SGCZ: variants seen among roughly 807,000 people sequenced by gnomAD.
SGCZ encodes sarcoglycan zeta, also known as zeta-sarcoglycan.
SGCZ carries 40 observed loss-of-function variants against 41.3 expected under a neutral mutation model. The ratio of observed to expected loss-of-function variants is 0.97; its 90% CI spans 0.75 to 1.26. The LOEUF is 1.26. Ranked by LOEUF, SGCZ falls within the 50% of genes most tolerant of loss-of-function variation. The probability of loss-of-function intolerance (pLI) is 0.00; values close to 1 mark genes in which losing one functional copy is unlikely to be tolerated. For missense variants in SGCZ, 552 were observed against 369.8 expected, an observed-to-expected ratio of 1.49 and a Z score of -4.04; for synonymous variants, 206 against 137.5, an observed-to-expected ratio of 1.50 and a Z score of -3.49.
At chr8:14,748,815 G>C (rs1170903886) in intron 1 of SGCZ, among the ~76,000 whole-genome samples, 2 of 151,978 alleles carry the variant, frequency 1.3e-5, no homozygotes, top group East Asian at 3.9e-4. Flanking sequence ...GTATTATATG[G>C]TGTTACAATC....
chr8:14,328,877 G>T (rs1221510619), intron 2 of SGCZ, among the ~76,000 whole-genome samples: 1 of 152,182 alleles, frequency 6.6e-6, no homozygotes, highest in Non-Finnish European at 1.5e-5. Context: ...GCTTCACGCA[G>T]TGTTTCGACC....
rs1266923981 is a variant in SGCZ at position 14,110,782 on chromosome 8, G to C, written c.548-2547C>G. On this transcript the variant is annotated intron_variant, in intron 5 of 7. Coordinates refer to ENST00000382080, the MANE Select transcript of SGCZ (RefSeq NM_139167.4). ...AAAATTAAAAATCAGAAAATGCACAGTGGCTCGTGCCTGGAATCCCAGCAC... is the reference window on the plus strand; with the variant it reads ...AAAATTAAAAATCAGAAAATGCACACTGGCTCGTGCCTGGAATCCCAGCAC... Among the ~76,000 whole-genome samples the C allele has an allele frequency of 2.6e-5, 4 of 152,116 alleles. No individual in the cohort carries two copies. In the East Asian group the frequency reaches 7.7e-4, roughly 29 times the overall value.
intron 1 of SGCZ, among the ~76,000 whole-genome samples, chr8:15,231,610 CTTTTTTTTTTTTTTTTT>C (rs914572473): frequency 1.4e-5 from 1 of 72,102 alleles, no homozygotes; most frequent in Non-Finnish European, 2.8e-5. Context: ...TTAATATATT[CTTTTTTTTTTTTTTTTT>C]TTTTTTTTTT....
chr8:15,188,561 C>A (rs1463009753), intron 1 of SGCZ, among the ~76,000 whole-genome samples: 1 of 151,956 alleles, frequency 6.6e-6, no homozygotes, highest in Non-Finnish European at 1.5e-5. Context: ...TTAACATTTC[C>A]TACAAAGAAT....
intron 5 of SGCZ, among the ~76,000 whole-genome samples, chr8:14,163,005 G>C (rs1249742013): frequency 6.6e-6 from 1 of 152,038 alleles, no homozygotes; most frequent in Non-Finnish European, 1.5e-5. Context: ...TGAGTAGCTG[G>C]GACTATGGAC....
chr8:15,123,940 G>C (rs1807580383), intron 1 of SGCZ, among the ~76,000 whole-genome samples: 1 of 152,308 alleles, frequency 6.6e-6, no homozygotes, highest in South Asian at 2.1e-4. Context: ...AAAGAGGGAA[G>C]GGTGGGTTGG....
chr8:14,722,124 C>A (rs2130188310), intron 1 of SGCZ, among the ~76,000 whole-genome samples: 1 of 152,200 alleles, frequency 6.6e-6, no homozygotes, highest in Non-Finnish European at 1.5e-5. Context: ...CCCTCTTCTA[C>A]TTTTTCTGCT....
intron 2 of SGCZ, among the ~76,000 whole-genome samples, chr8:14,340,457 T>G (rs1419346734): frequency 6.6e-6 from 1 of 152,186 alleles, no homozygotes; most frequent in Admixed American, 6.5e-5. Flanking sequence ...TGCAACACAT[T>G]ACAGTTCACT....
intron 1 of SGCZ, among the ~76,000 whole-genome samples, chr8:14,732,406 G>T (rs1798889924): frequency 6.6e-6 from 1 of 152,136 alleles, no homozygotes; most frequent in African/African-American, 2.4e-5. Flanking sequence ...AGCTAAGAAA[G>T]AAAATAAATG....
chr8:15,137,453 T>A (rs956118386), intron 1 of SGCZ, among the ~76,000 whole-genome samples: 13 of 152,196 alleles, frequency 8.5e-5, no homozygotes. Flanking sequence ...CTCCAAGGCA[T>A]GTCGGGGACC....
intron 2 of SGCZ, among the ~76,000 whole-genome samples, chr8:14,347,889 T>A (rs1024094950): frequency 4.6e-5 from 7 of 152,138 alleles, no homozygotes; most frequent in Non-Finnish European, 7.4e-5. Context: ...GTGCCTCAGC[T>A]TTAAAATGGA....
At chr8:15,060,926 G>C (rs1294095044) in intron 1 of SGCZ, among the ~76,000 whole-genome samples, 1 of 152,138 alleles carries the variant, frequency 6.6e-6, no homozygotes, top group Non-Finnish European at 1.5e-5. Flanking sequence ...CTCCACCATA[G>C]TAGAAGGTAC....
At chr8:14,245,180 A>T (rs1262122787) in intron 3 of SGCZ, among the ~76,000 whole-genome samples, 2 of 152,136 alleles carry the variant, frequency 1.3e-5, no homozygotes, top group Non-Finnish European at 2.9e-5. Context: ...GCAGTTTTCA[A>T]AGGGAATGCT....
chr8:14,474,797 T>C (rs1410441280), intron 2 of SGCZ, among the ~76,000 whole-genome samples: 1 of 152,186 alleles, frequency 6.6e-6, no homozygotes, highest in African/African-American at 2.4e-5. Context: ...TATATCCAAA[T>C]GATTTTAGCC....
At chr8:14,156,990 A>G (rs1034826893) in intron 5 of SGCZ, among the ~76,000 whole-genome samples, 4 of 152,340 alleles carry the variant, frequency 2.6e-5, no homozygotes, top group Middle Eastern at 3.4e-3. Flanking sequence ...ACAGTATACT[A>G]TAGTAAATAC....
chr8:14,176,992 T>C (rs1371078570), intron 4 of SGCZ, among the ~76,000 whole-genome samples: 1 of 152,064 alleles, frequency 6.6e-6, no homozygotes, highest in African/African-American at 2.4e-5. Context: ...CCTTCCTACT[T>C]TGGGAGCAGG....
At chr8:14,443,572 A>G (rs936543975) in intron 2 of SGCZ, among the ~76,000 whole-genome samples, 7 of 152,334 alleles carry the variant, frequency 4.6e-5, no homozygotes, top group Admixed American at 2.6e-4. Flanking sequence ...AGGATTTCCT[A>G]TTTAAGAAAT....
chr8:15,109,107 C>T (rs576306460), intron 1 of SGCZ, among the ~76,000 whole-genome samples: 1 of 152,226 alleles, frequency 6.6e-6, no homozygotes, highest in Admixed American at 6.5e-5. Context: ...ATAAAACACA[C>T]ACACACACTC....
At position 14,087,495 on chromosome 8, in the gene SGCZ, C is replaced by T. The variant is rs985003232; in HGVS notation, c.*2948G>A. Among the ~76,000 whole-genome samples, 5 of 151,400 alleles carry T rather than the reference C, an allele frequency of 3.3e-5. No homozygotes were observed. Among genetic ancestry groups the T allele is most frequent in the South Asian group, 4.2e-4 (2 of 4,810 alleles). On this transcript the variant is annotated 3_prime_UTR_variant, in exon 8 of 8. Transcript: ENST00000382080. The stretch of plus-strand genomic sequence containing the variant: ...TCTTCTTCCGTTTGTTCCTTCCTGG[C>T]GTACACTGAGTATGAAGTTATTAAG...
Sources: gnomAD v4.1 joint callset for allele counts (sites outside exome capture counted in the v4.1 genomes callset) on GRCh38, gnomAD v4.1.1 for gene constraint, MANE v1.5 for transcripts, NCBI Gene and HGNC (gene_info 2026-07-23, HGNC 2026-07-21) for gene names.